The following PHACTR1 variants were observed in gnomAD, a reference collection of about 807,000 sequenced individuals.
The protein encoded by PHACTR1 is RPEL repeat containing 1.
PHACTR1 carries 16 observed loss-of-function variants against 69.2 expected under a neutral mutation model. The ratio of observed to expected loss-of-function variants is 0.23; its 90% CI spans 0.16 to 0.35. The LOEUF (loss-of-function observed/expected upper bound fraction) is 0.35. Ranked by LOEUF, PHACTR1 falls within the 10% of genes least tolerant of loss-of-function variation. PHACTR1 has a pLI of 1.00. For missense variants in PHACTR1, 510 were observed against 734.7 expected (o/e 0.69, Z 3.54); for synonymous variants, 312 against 284.5 (o/e 1.10, Z -0.97).
chr6:13,030,616 C>T (rs1277662720), intron 4 of PHACTR1, among the ~76,000 whole-genome samples: 5 of 152,180 alleles, frequency 3.3e-5, no homozygotes, highest in Non-Finnish European at 7.3e-5. Flanking sequence ...ATGTTAAAGC[C>T]AGTCAAGGCA....
At chr6:12,877,814 A>C (rs1782692136) in intron 4 of PHACTR1, among the ~76,000 whole-genome samples, 1 of 152,122 alleles carries the variant, frequency 6.6e-6, no homozygotes, top group African/African-American at 2.4e-5. Context: ...CTGTGCGCTC[A>C]CCTTCATAAC....
intron 4 of PHACTR1, among the ~76,000 whole-genome samples, chr6:12,948,254 A>T (rs538318080): frequency 6.6e-6 from 1 of 152,342 alleles, no homozygotes; most frequent in South Asian, 2.1e-4. Context: ...CCCTGAGATT[A>T]TTTGGATTGT....
chr6:13,025,703 G>GTGTGTGTC (rs1801600790), intron 4 of PHACTR1, among the ~76,000 whole-genome samples: 6 of 151,870 alleles, frequency 4.0e-5, no homozygotes, highest in African/African-American at 9.7e-5. Context: ...GTGTGTGTGT[G>GTGTGTGTC]TGTGTGTCTG....
chr6:12,933,719 T>C (rs779224772), intron 4 of PHACTR1: 2 of 1,612,824 alleles, frequency 1.2e-6, no homozygotes, highest in Non-Finnish European at 1.7e-6. Flanking sequence ...CGAACTGTGT[T>C]CCCTGGAAAA....
At chr6:12,897,846 T>C (rs1372943085) in intron 4 of PHACTR1, among the ~76,000 whole-genome samples, 1 of 152,062 alleles carries the variant, frequency 6.6e-6, no homozygotes, top group East Asian at 1.9e-4. Flanking sequence ...GTATTTCTCC[T>C]AATGTGCTCC....
chr6:12,977,466 G>A (rs534776261), intron 4 of PHACTR1, among the ~76,000 whole-genome samples: 3 of 150,958 alleles, frequency 2.0e-5, no homozygotes, highest in Non-Finnish European at 4.4e-5. Flanking sequence ...ATTTCTTTTA[G>A]CTTATCACTA....
chr6:12,766,900 A>G (rs1768685409), intron 4 of PHACTR1, among the ~76,000 whole-genome samples: 1 of 152,238 alleles, frequency 6.6e-6, no homozygotes, highest in Non-Finnish European at 1.5e-5. Context: ...TGCTATTTTA[A>G]TATGGAAAAA....
intron 5 of PHACTR1, among the ~76,000 whole-genome samples, chr6:13,140,300 T>C (rs1822236173): frequency 6.6e-6 from 1 of 152,024 alleles, no homozygotes. Context: ...TCCAAAATAA[T>C]TGAAAACAGT....
chr6:13,252,775 A>G (rs1347998924), intron 10 of PHACTR1, among the ~76,000 whole-genome samples: 2 of 152,164 alleles, frequency 1.3e-5, no homozygotes, highest in Non-Finnish European at 2.9e-5. Context: ...CTACAAGGCT[A>G]TTGGCTTAAA....
rs570079454 is a variant in PHACTR1, at chr6:13,093,194, G to A, written c.415+39665G>A. Among the ~76,000 whole-genome samples the A allele has an allele frequency of 3.7e-4, 57 of 152,298 alleles. No individual in the cohort carries two copies. In the South Asian group the frequency reaches 0.011, roughly 30 times the overall value. Reference sequence around the variant, plus strand: ...ATTTGAAACTGATATTAGGTTTTATGAACTATAGGCAAGATACAAGTAAGT... The same window carrying A: ...ATTTGAAACTGATATTAGGTTTTATAAACTATAGGCAAGATACAAGTAAGT... On this transcript the variant is annotated intron_variant, in intron 5 of 14. Coordinates refer to ENST00000332995, the MANE Select transcript of PHACTR1 (RefSeq NM_030948.6).
chr6:13,262,011 A>G (rs1363097623), intron 10 of PHACTR1, among the ~76,000 whole-genome samples: 1 of 152,218 alleles, frequency 6.6e-6, no homozygotes, highest in African/African-American at 2.4e-5. Context: ...TCCTGTGAGC[A>G]CTGTAAAGGC....
chr6:13,244,379 T>C (rs912222953), intron 10 of PHACTR1, among the ~76,000 whole-genome samples: 1 of 152,162 alleles, frequency 6.6e-6, no homozygotes, highest in African/African-American at 2.4e-5. Context: ...TGATAAAACA[T>C]CTTATCAGGA....
chr6:13,164,346 G>A (rs1209869415), intron 6 of PHACTR1, among the ~76,000 whole-genome samples: 4 of 151,964 alleles, frequency 2.6e-5, no homozygotes, highest in East Asian at 3.9e-4. Flanking sequence ...TCATAGATTC[G>A]GAGCAATCAT....
rs536599406 is a variant in PHACTR1, at chr6:13,190,118, G to A, written c.664+7432G>A. Reference sequence around the variant, plus strand: ...GGCTCCCTGCAACCTCCACCTCCTGGGTTCAAGTGATTCTCCTGCCTCAGC... The same window carrying A: ...GGCTCCCTGCAACCTCCACCTCCTGAGTTCAAGTGATTCTCCTGCCTCAGC... On this transcript the variant is annotated intron_variant, in intron 7 of 14. Coordinates refer to ENST00000332995, the MANE Select transcript of PHACTR1 (RefSeq NM_030948.6). Among the ~76,000 whole-genome samples, 122 of 150,470 alleles carry A rather than the reference G, an allele frequency of 8.1e-4. 1 individual carries two copies. Among genetic ancestry groups the A allele is most frequent in the Non-Finnish European group, 1.6e-3 (108 of 67,798 alleles).
intron 5 of PHACTR1, among the ~76,000 whole-genome samples, chr6:13,115,999 C>T (rs895144980): frequency 3.3e-5 from 5 of 152,162 alleles, no homozygotes; most frequent in Admixed American, 6.5e-5. Context: ...ATGTATGTGA[C>T]CAAGTGGCCC....
At chr6:13,141,456 C>G (rs1329466391) in intron 5 of PHACTR1, among the ~76,000 whole-genome samples, 1 of 152,178 alleles carries the variant, frequency 6.6e-6, no homozygotes, top group Non-Finnish European at 1.5e-5. Context: ...TTCCACTATG[C>G]GTGTGACATT....
intron 4 of PHACTR1, among the ~76,000 whole-genome samples, chr6:12,836,830 TC>T (rs1279561840): frequency 1.3e-5 from 2 of 152,102 alleles, no homozygotes; most frequent in African/African-American, 4.8e-5. Context: ...TTCTTTCAGG[TC>T]CTACATGCCA....
intron 6 of PHACTR1, among the ~76,000 whole-genome samples, chr6:13,174,013 C>A (rs1480248103): frequency 2.0e-5 from 3 of 151,976 alleles, no homozygotes; most frequent in East Asian, 3.9e-4. Flanking sequence ...AATAGCTATG[C>A]CCCCTTAATG....
chr6:12,778,998 T>C (rs1385233118), intron 4 of PHACTR1, among the ~76,000 whole-genome samples: 1 of 152,168 alleles, frequency 6.6e-6, no homozygotes, highest in Non-Finnish European at 1.5e-5. Context: ...CCTCGTGATA[T>C]GACATCCTGC....
Sources: gnomAD v4.1 joint callset for allele counts (sites outside exome capture counted in the v4.1 genomes callset) on GRCh38, gnomAD v4.1.1 for gene constraint, MANE v1.5 for transcripts, NCBI Gene and HGNC (gene_info 2026-07-23, HGNC 2026-07-21) for gene names.